BACE2: variants seen among roughly 807,000 people sequenced by gnomAD.
BACE2 encodes the protein beta-secretase 2.
BACE2 carries 17 observed loss-of-function variants against 46.2 expected under a neutral mutation model. The observed-to-expected ratio is 0.37, with a 90% CI of 0.25 to 0.55. BACE2 has a LOEUF of 0.55. Among genes scored for constraint, BACE2 ranks in the 20% least tolerant of loss-of-function variants. The pLI, the probability that BACE2 is intolerant of heterozygous loss-of-function variation, is 0.82. For synonymous variants in BACE2, 277 were observed against 295.9 expected (o/e 0.94, Z 0.66); for missense variants, 595 against 698.1 (o/e 0.85, Z 1.66).
chr21:41,275,367 C>T lies in BACE2; in HGVS notation c.1304-4C>T, dbSNP rs1287637169. 6.2e-7 allele frequency: 1 copy of T among 1,614,036 alleles called. No homozygotes were observed. Among genetic ancestry groups the T allele is most frequent in the East Asian group, 2.2e-5 (1 of 44,868 alleles). On this transcript the variant is annotated splice_region_variant and splice_polypyrimidine_tract_variant and intron_variant, in intron 8 of 8. Transcript: ENST00000330333. ...CTGTGGATTTTCCCTTTCTGTCTCCCCAGAAATTGCAGGTGCTGCAGTGTC... is the reference window on the plus strand; with the variant it reads ...CTGTGGATTTTCCCTTTCTGTCTCCTCAGAAATTGCAGGTGCTGCAGTGTC...
In BACE2 at chr21:41,237,530, C is replaced by T. The variant is rs1482508964; in HGVS notation, c.419C>T (p.Ser140Phe). ...TTCTCCAGGTCTAGCACATACCGCT[C>T]CAAGGGCTTTGACGTCACAGTGAAG... ...FDTERSSTYRSKGFDVTVKYT... is the reference protein window; with the variant it reads ...FDTERSSTYRFKGFDVTVKYT... The change falls in exon 3 of 9, where the codon TCC becomes TTC. Residue 140 changes from serine (S) to phenylalanine (F), a missense_variant. Physicochemically the swap from Ser to Phe is radical, Grantham distance 155. Coordinates refer to ENST00000330333, the MANE Select transcript of BACE2 (RefSeq NM_012105.5). The T allele has an allele frequency of 1.2e-6, 2 of 1,614,100 alleles. No homozygotes were observed. Among genetic ancestry groups the T allele is most frequent in the East Asian group, 4.5e-5 (2 of 44,888 alleles).
At chr21:41,183,454 C>G (rs1208290768) in intron 1 of BACE2, 2 of 166,898 alleles carry the variant, frequency 1.2e-5, no homozygotes, top group African/African-American at 4.8e-5. Flanking sequence ...ATGACCTATA[C>G]AAGACAACTG....
chr21:41,259,067 AT>A, intron 8 of BACE2, among the ~76,000 whole-genome samples: 1 of 152,360 alleles, frequency 6.6e-6, no homozygotes, highest in East Asian at 1.9e-4. Context: ...AGAGGCTACT[AT>A]GGCAACAGCT....
intron 8 of BACE2, 117 bp downstream of exon 8, chr21:41,257,443 C>G (rs1395714854): frequency 8.6e-7 from 1 of 1,163,894 alleles, no homozygotes. Flanking sequence ...TCACTCATTC[C>G]TATCACCAGT....
At chr21:41,232,209 A>G (rs1406091404) in intron 2 of BACE2, among the ~76,000 whole-genome samples, 2 of 152,140 alleles carry the variant, frequency 1.3e-5, no homozygotes, top group African/African-American at 2.4e-5. Context: ...TTCTGTCGTC[A>G]CAGGAGGTTC....
chr21:41,244,384 G>A (rs2123606376), intron 5 of BACE2, among the ~76,000 whole-genome samples: 1 of 152,280 alleles, frequency 6.6e-6, no homozygotes, highest in South Asian at 2.1e-4. Flanking sequence ...GGAGACAGGG[G>A]TGGGTCCACT....
intron 6 of BACE2, 101 bp downstream of exon 6, chr21:41,246,164 A>G (rs1987467506): frequency 5.5e-6 from 4 of 724,890 alleles, no homozygotes; most frequent in Middle Eastern, 2.5e-4. Flanking sequence ...CTATTGCGCC[A>G]TGTATTTCCA....
intron 1 of BACE2, among the ~76,000 whole-genome samples, chr21:41,223,485 G>T (rs1215531998): frequency 6.6e-6 from 1 of 152,124 alleles, no homozygotes; most frequent in African/African-American, 2.4e-5. Flanking sequence ...TCCAGCCCCT[G>T]GCCATGGTTG....
rs546919428 is a variant in BACE2 at position 41,248,596 on chromosome 21, T to C, written c.985-2156T>C. Among the ~76,000 whole-genome samples, 4 of 152,340 alleles carry C rather than the reference T, an allele frequency of 2.6e-5. No homozygotes were observed. The East Asian group carries it at 7.7e-4, about 29-fold the overall frequency. On this transcript the variant is annotated intron_variant, in intron 6 of 8. Coordinates refer to ENST00000330333, the MANE Select transcript of BACE2 (RefSeq NM_012105.5). ...CACATCTTCAGTAGACTTCGCTTTTTCACAAAGCAAAGATGCATTAATGCC... is the reference window on the plus strand; with the variant it reads ...CACATCTTCAGTAGACTTCGCTTTTCCACAAAGCAAAGATGCATTAATGCC...
intron 1 of BACE2, among the ~76,000 whole-genome samples, chr21:41,190,129 A>T (rs1985515765): frequency 6.6e-6 from 1 of 152,184 alleles, no homozygotes; most frequent in African/African-American, 2.4e-5. Flanking sequence ...ACCCTCACAG[A>T]CACACCCAGG....
chr21:41,201,147 C>CT (rs1985952940), intron 1 of BACE2, among the ~76,000 whole-genome samples: 1 of 152,228 alleles, frequency 6.6e-6, no homozygotes, highest in South Asian at 2.1e-4. Context: ...CCTCTGCTGT[C>CT]TTACCCTACC....
In BACE2 at chr21:41,263,147, C is replaced by G. The variant is rs1465258378; in HGVS notation, c.1303+5821C>G. 2.0e-5 allele frequency among the ~76,000 whole-genome samples: 3 copies of G among 152,038 alleles called. No individual in the cohort carries two copies. In the East Asian group the frequency reaches 5.8e-4, roughly 29 times the overall value. ...TTCTCAGTCCTAAATTTAGGGATTT[C>G]CAGTTTCTGAAAAGTATTCAGTATG... On this transcript the variant is annotated intron_variant, in intron 8 of 8. Coordinates refer to ENST00000330333, the MANE Select transcript of BACE2 (RefSeq NM_012105.5).
At chr21:41,220,882 T>G (rs1986619775) in intron 1 of BACE2, among the ~76,000 whole-genome samples, 1 of 151,846 alleles carries the variant, frequency 6.6e-6, no homozygotes, top group Non-Finnish European at 1.5e-5. Context: ...AAAGTAACAT[T>G]TATAGTCTCA....
At chr21:41,257,716 G>C (rs571580254) in intron 8 of BACE2, among the ~76,000 whole-genome samples, 3 of 152,252 alleles carry the variant, frequency 2.0e-5, no homozygotes, top group African/African-American at 7.2e-5. Context: ...TTTTGAAATA[G>C]GAAATGAACA....
chr21:41,178,732 G>T lies in BACE2; in HGVS notation c.312+10157G>T, dbSNP rs537893356. 2.2e-5 allele frequency: 4 copies of T among 180,484 alleles called. No homozygotes were observed. The South Asian group carries it at 4.7e-4, about 21-fold the overall frequency. 11.2% of individuals were successfully genotyped at this position (180,484 alleles called of 1,614,324 possible). A position where few individuals can be genotyped will look rare whatever the true frequency, so the allele number is the denominator to read the frequency against. ...AGCATGTGCAACAGAGCAAGACCTT[G>T]CCTCAAAACATATTAAGCACCTACT... On this transcript the variant is annotated intron_variant, in intron 1 of 8. Coordinates refer to ENST00000330333, the MANE Select transcript of BACE2 (RefSeq NM_012105.5).
rs1199867996 is a variant in BACE2 at position 41,246,184 on chromosome 21, T to G, written c.984+121T>G. 8.9e-6 allele frequency: 5 copies of G among 564,422 alleles called. No homozygotes were observed. The African/African-American group carries it at 9.4e-5, about 11-fold the overall frequency. 35.0% of individuals were successfully genotyped at this position (564,422 alleles called of 1,614,324 possible). On this transcript the variant is annotated intron_variant, in intron 6 of 8. Transcript: ENST00000330333. The stretch of plus-strand genomic sequence containing the variant: ...GCGCCATGTATTTCCAATTTTCATA[T>G]TGTGTATTTGTATATTTTATATGTA...
At chr21:41,177,959 G>T (rs1390505333) in intron 1 of BACE2, 1 of 152,172 alleles carries the variant, frequency 6.6e-6, no homozygotes, top group Non-Finnish European at 1.5e-5. Flanking sequence ...TCAACCTGGG[G>T]TGATTGTGTC....
intron 1 of BACE2, chr21:41,180,034 T>G (rs1985055948): frequency 9.5e-6 from 3 of 314,676 alleles, no homozygotes. Flanking sequence ...CGCTGCTCCT[T>G]GCAAAGCAGG....
Position 41,272,093 on chromosome 21 carries a change from C to T in BACE2, c.1304-3278C>T, listed in dbSNP as rs1044304278. Among the ~76,000 whole-genome samples, 7 of 151,892 alleles carry T rather than the reference C, an allele frequency of 4.6e-5. No homozygotes were observed. In the South Asian group the frequency reaches 6.3e-4, roughly 14 times the overall value. ...ATATTTTTGCTGGGTATAGAGTTCT[C>T]GGTTGACAGGGCTTCTTCTACCCCC... On this transcript the variant is annotated intron_variant, in intron 8 of 8. Transcript: ENST00000330333.
Sources: allele counts gnomAD v4.1 joint callset (sites outside exome capture counted in the v4.1 genomes callset), GRCh38; gene constraint gnomAD v4.1.1; transcripts MANE v1.5; gene names NCBI Gene and HGNC (gene_info 2026-07-23, HGNC 2026-07-21).